RGS3: variants seen among roughly 807,000 people sequenced by gnomAD.
The protein encoded by RGS3 is regulator of G-protein signalling 3.
Under a neutral mutation model 132.6 loss-of-function variants are expected in RGS3, and 80 were observed. The ratio of observed to expected loss-of-function variants is 0.60; its 90% CI spans 0.50 to 0.73. The LOEUF is 0.73. Among genes scored for constraint, RGS3 ranks in the 30% least tolerant of loss-of-function variants. RGS3 has a pLI of 0.00. For synonymous variants in RGS3, 598 were observed against 620.6 expected (o/e 0.96, Z 0.54); for missense variants, 1,382 against 1,530.8 (o/e 0.90, Z 1.62).
At chr9:113,523,411 G>T (rs748368574) in intron 17 of RGS3, among the ~76,000 whole-genome samples, 2 of 152,150 alleles carry the variant, frequency 1.3e-5, no homozygotes, top group Non-Finnish European at 2.9e-5. Flanking sequence ...TGTAAATAGG[G>T]ATAAAAATAG....
intron 19 of RGS3, among the ~76,000 whole-genome samples, chr9:113,553,567 C>T (rs959876262): frequency 1.5e-4 from 20 of 135,676 alleles, no homozygotes; most frequent in African/African-American, 4.7e-4. Flanking sequence ...CGTGGCTGGG[C>T]GCTATGGCTC....
intron 1 of RGS3, among the ~76,000 whole-genome samples, chr9:113,449,076 T>C (rs1329080054): frequency 6.6e-6 from 1 of 152,132 alleles, no homozygotes; most frequent in African/African-American, 2.4e-5. Context: ...TGGGAAGACA[T>C]TGATGGCTTC....
At chr9:113,559,202 A>C (rs1187309159) in intron 19 of RGS3, among the ~76,000 whole-genome samples, 2 of 152,210 alleles carry the variant, frequency 1.3e-5, no homozygotes, top group East Asian at 3.8e-4. Flanking sequence ...TCTGTGCTGA[A>C]CACTTCCCAG....
intron 19 of RGS3, chr9:113,580,728 C>T (rs1834754583): frequency 1.1e-6 from 1 of 920,708 alleles, no homozygotes. Flanking sequence ...CACTTCCCCT[C>T]CTGGCTTTGT....
chr9:113,530,143 G>T (rs1832401742), intron 18 of RGS3, among the ~76,000 whole-genome samples: 2 of 152,230 alleles, frequency 1.3e-5, no homozygotes, highest in African/African-American at 2.4e-5. Flanking sequence ...GTGGGACATG[G>T]TCTATATTGG....
intron 24 of RGS3, among the ~76,000 whole-genome samples, chr9:113,596,375 G>T (rs1305253761): frequency 3.3e-5 from 5 of 152,236 alleles, no homozygotes; most frequent in Admixed American, 2.6e-4. Context: ...GGCACTATGC[G>T]CAAAGCACAT....
chr9:113,491,787 C>CAAGTGATCTGCCTGCCTTGGCCTCCCA (rs1830530964), intron 7 of RGS3, among the ~76,000 whole-genome samples: 1 of 152,208 alleles, frequency 6.6e-6, no homozygotes, highest in Admixed American at 6.5e-5. Context: ...CTCCTGACCT[C>CAAGTGATCTGCCTGCCTTGGCCTCCCA]AAGTGATCTG....
chr9:113,505,157 G>A, intron 10 of RGS3: 3 of 463,950 alleles, frequency 6.5e-6, no homozygotes, highest in South Asian at 5.6e-5. Flanking sequence ...TGGGGCTCAG[G>A]ATGGCAAAGT....
In RGS3 at chr9:113,579,815, G is replaced by A. The variant is rs145218036; in HGVS notation, c.2038-3635G>A. Among the ~76,000 whole-genome samples, 29 of 152,214 alleles carry A rather than the reference G, an allele frequency of 1.9e-4. No individual in the cohort carries two copies. The highest frequency in any genetic ancestry group is 5.8e-4 in the East Asian group (3 of 5,176). ...GCTTGGAGAATGCATGAATGTATGC[G>A]TGCCCCAGTCCTCCCTGCCATCCAC... On this transcript the variant is annotated intron_variant, in intron 19 of 24. Coordinates refer to ENST00000350696, the Ensembl canonical transcript of RGS3. The surrounding 1 kb of genome is among the most constrained non-coding windows in gnomAD (Gnocchi z 4.3).
At chr9:113,561,627 G>A (rs1434905010) in intron 19 of RGS3, among the ~76,000 whole-genome samples, 1 of 136,298 alleles carries the variant, frequency 7.3e-6, no homozygotes, top group Non-Finnish European at 1.6e-5. Context: ...TTCCTATGTT[G>A]CCCAGGCTGG....
rs1402183749 is a variant in RGS3 at position 113,536,274 on chromosome 9, A to G, written c.1915-522A>G. Among the ~76,000 whole-genome samples, 8 of 152,298 alleles carry G rather than the reference A, an allele frequency of 5.3e-5. No individual in the cohort carries two copies. In the South Asian group the frequency reaches 1.0e-3, roughly 20 times the overall value. On this transcript the variant is annotated intron_variant, in intron 18 of 24. Coordinates refer to ENST00000350696, the Ensembl canonical transcript of RGS3. ...ACTCTGCCCGTCAAAGACTTTCCAA[A>G]GGACCCTGAGTTGCTGTTTGGGTTC...
At chr9:113,511,044 A>C (rs886629368) in intron 14 of RGS3, among the ~76,000 whole-genome samples, 2 of 152,262 alleles carry the variant, frequency 1.3e-5, no homozygotes, top group Middle Eastern at 3.4e-3. Flanking sequence ...CCTGAGTTGA[A>C]TAGGAGGGAG....
intron 14 of RGS3, among the ~76,000 whole-genome samples, chr9:113,509,008 G>A (rs1010903063): frequency 2.0e-5 from 3 of 152,090 alleles, no homozygotes; most frequent in African/African-American, 2.4e-5. Flanking sequence ...CTCCTTGGTC[G>A]GGCGTGGTGG....
intron 9 of RGS3, among the ~76,000 whole-genome samples, 169 bp from the exon 8 acceptor site, chr9:113,497,856 T>C (rs1310648719): frequency 4.6e-5 from 7 of 152,138 alleles, no homozygotes; most frequent in African/African-American, 1.7e-4. Context: ...CAGCCCTGGC[T>C]CCTGAGTCCC....
In RGS3 at chr9:113,489,036, T is replaced by G. The variant is rs531314753; in HGVS notation, c.689+3343T>G. On this transcript the variant is annotated intron_variant, in intron 7 of 24. Transcript: ENST00000350696. ...CAAACATTTATGGAATTCTTCTCTG[T>G]GCCAAGCACTTTACATACATTATCT... Among the ~76,000 whole-genome samples, 5 of 152,370 alleles carry G rather than the reference T, an allele frequency of 3.3e-5. No individual in the cohort carries two copies. The South Asian group carries it at 1.0e-3, about 32-fold the overall frequency.
At chr9:113,450,767 A>G (rs1282506206) in intron 1 of RGS3, among the ~76,000 whole-genome samples, 1 of 152,230 alleles carries the variant, frequency 6.6e-6, no homozygotes, top group African/African-American at 2.4e-5. Flanking sequence ...TCAGAGAAGC[A>G]GCAGGAAAAC....
chr9:113,595,073 G>A (rs746104923), intron 23 of RGS3, 93 bp downstream of exon 21: 29 of 1,211,540 alleles, frequency 2.4e-5, no homozygotes, highest in African/African-American at 6.0e-5. Context: ...TAGAGAGGCC[G>A]CCTTCCCTCT....
At chr9:113,479,429 G>C (rs1381426781) in intron 3 of RGS3, 62 bp from the exon 2 acceptor site, 8 of 1,527,628 alleles carry the variant, frequency 5.2e-6, no homozygotes, top group Non-Finnish European at 7.3e-6. Flanking sequence ...CTTTCCTCTA[G>C]TTTTTTCCAC....
At chr9:113,469,042 ATTTTTT>A (rs145400431) in intron 3 of RGS3, among the ~76,000 whole-genome samples, 7 of 102,134 alleles carry the variant, frequency 6.9e-5, no homozygotes, top group African/African-American at 2.7e-4. Context: ...TTTGCTCAGC[ATTTTTT>A]TTTTTTTTTT....
Sources: allele counts gnomAD v4.1 joint callset (sites outside exome capture counted in the v4.1 genomes callset), GRCh38; gene constraint gnomAD v4.1.1; non-coding constraint Gnocchi (gnomAD v3.1); transcripts MANE v1.5; gene names NCBI Gene and HGNC (gene_info 2026-07-23, HGNC 2026-07-21).